Variants in DCDC2 observed in about 807,000 individuals in gnomAD.
DCDC2 encodes doublecortin domain-containing protein 2.
A neutral mutation model predicts 50.2 loss-of-function variants in DCDC2; 40 were observed. The observed-to-expected ratio is 0.80, with a 90% CI of 0.62 to 1.04. The LOEUF is 1.04. DCDC2 is among the 50% of genes least tolerant of loss of function. DCDC2 has a pLI of 0.00. For synonymous variants in DCDC2, 234 were observed against 210.6 expected (o/e 1.11, Z -0.96); for missense variants, 570 against 581.9 (o/e 0.98, Z 0.21).
chr6:24,285,950 A>T (rs1403910473), intron 6 of DCDC2, among the ~76,000 whole-genome samples: 4 of 152,210 alleles, frequency 2.6e-5, no homozygotes, highest in Admixed American at 2.6e-4. Context: ...TATACAGTAC[A>T]CAGAAGGGAT....
chr6:24,302,504 C>T (rs75928212), intron 2 of DCDC2, among the ~76,000 whole-genome samples: 4 of 152,092 alleles, frequency 2.6e-5, no homozygotes, highest in Non-Finnish European at 5.9e-5. Context: ...AGTGCCTGAC[C>T]CCACCCTTTT....
intron 2 of DCDC2, among the ~76,000 whole-genome samples, chr6:24,321,251 C>T (rs1282743221): frequency 3.3e-5 from 5 of 151,732 alleles, no homozygotes; most frequent in African/African-American, 1.2e-4. Flanking sequence ...TAAGTTACTA[C>T]AGAAAAGAAC....
At chr6:24,197,906 T>A (rs1761482530) in intron 8 of DCDC2, among the ~76,000 whole-genome samples, 1 of 152,198 alleles carries the variant, frequency 6.6e-6, no homozygotes, top group Non-Finnish European at 1.5e-5. Flanking sequence ...CTTAGAATTG[T>A]AAGGAAGCTT....
At chr6:24,277,018 T>C (rs1461709152) in intron 7 of DCDC2, among the ~76,000 whole-genome samples, 2 of 152,218 alleles carry the variant, frequency 1.3e-5, no homozygotes, top group Admixed American at 1.3e-4. Context: ...TCGCCTGTTC[T>C]TTTAACCTAG....
chr6:24,223,369 GCTA>G, intron 7 of DCDC2, among the ~76,000 whole-genome samples: 1 of 152,296 alleles, frequency 6.6e-6, no homozygotes, highest in East Asian at 1.9e-4. Context: ...AGTGAGTGAG[GCTA>G]ACTCTACGCA....
chr6:24,265,279 A>T (rs371454092), intron 7 of DCDC2, among the ~76,000 whole-genome samples: 1 of 152,180 alleles, frequency 6.6e-6, no homozygotes, highest in African/African-American at 2.4e-5. Context: ...TAAAAAGCAA[A>T]TATTATTAAA....
chr6:24,225,563 C>T (rs1322328397), intron 7 of DCDC2, among the ~76,000 whole-genome samples: 3 of 152,160 alleles, frequency 2.0e-5, no homozygotes, highest in African/African-American at 7.2e-5. Flanking sequence ...TAACCATCTC[C>T]CCTTCCTAAG....
At chr6:24,301,213 T>C (rs947579184) in intron 4 of DCDC2, among the ~76,000 whole-genome samples, 6 of 151,302 alleles carry the variant, frequency 4.0e-5, no homozygotes, top group Admixed American at 6.6e-5. Flanking sequence ...CTACTAAAAA[T>C]ACAAAAAATT....
chr6:24,302,091 G>T, intron 2 of DCDC2, 47 bp from the exon 3 acceptor site: 1 of 1,517,866 alleles, frequency 6.6e-7, no homozygotes, highest in South Asian at 1.2e-5. Context: ...GCTTATATTA[G>T]CTTTTTTTTT....
At chr6:24,336,663 C>G (rs1760061520) in intron 2 of DCDC2, among the ~76,000 whole-genome samples, 1 of 152,014 alleles carries the variant, frequency 6.6e-6, no homozygotes, top group East Asian at 1.9e-4. Flanking sequence ...TTTGCATTTT[C>G]TCCTTTTAGT....
intron 8 of DCDC2, among the ~76,000 whole-genome samples, chr6:24,188,439 T>A (rs1819692): frequency 0.015 from 2,310 of 152,172 alleles, 51 homozygotes; most frequent in African/African-American, 0.051. Context: ...ATAAAGACAG[T>A]TCTACAAGAT....
intron 8 of DCDC2, among the ~76,000 whole-genome samples, chr6:24,202,799 A>G (rs1320435805): frequency 6.6e-6 from 1 of 152,198 alleles, no homozygotes; most frequent in Non-Finnish European, 1.5e-5. Flanking sequence ...TCAGGATACA[A>G]AATCAGTGTG....
chr6:24,208,758 C>T (rs1391828895), intron 7 of DCDC2, among the ~76,000 whole-genome samples: 1 of 152,212 alleles, frequency 6.6e-6, no homozygotes, highest in Non-Finnish European at 1.5e-5. Context: ...CTGCCCCCTT[C>T]CCTGCTAGAC....
intron 2 of DCDC2, among the ~76,000 whole-genome samples, chr6:24,338,054 AAC>A (rs1314185121): frequency 1.3e-5 from 2 of 152,200 alleles, no homozygotes; most frequent in African/African-American, 4.8e-5. Context: ...ACAATACATG[AAC>A]ACACAGTCCC....
intron 2 of DCDC2, among the ~76,000 whole-genome samples, chr6:24,342,684 G>A (rs1247409258): frequency 2.1e-5 from 3 of 144,598 alleles, no homozygotes; most frequent in African/African-American, 8.3e-5. Context: ...GTTTTTAGTA[G>A]TCTCCAATTA....
chr6:24,299,462 T>C (rs1219424278), intron 4 of DCDC2, among the ~76,000 whole-genome samples: 1 of 152,180 alleles, frequency 6.6e-6, no homozygotes, highest in Admixed American at 6.5e-5. Flanking sequence ...TGCAAATGTA[T>C]TCCCTGAACC....
chr6:24,280,287 T>C (rs2113821242), intron 6 of DCDC2, among the ~76,000 whole-genome samples: 1 of 152,294 alleles, frequency 6.6e-6, no homozygotes, highest in African/African-American at 2.4e-5. Context: ...TATAACACTT[T>C]TTGTGTAATT....
At chr6:24,256,557 G>C (rs1762901622) in intron 7 of DCDC2, among the ~76,000 whole-genome samples, 1 of 151,838 alleles carries the variant, frequency 6.6e-6, no homozygotes, top group Non-Finnish European at 1.5e-5. Flanking sequence ...CCAAATGCTG[G>C]GTATTTCTGC....
intron 7 of DCDC2, among the ~76,000 whole-genome samples, chr6:24,242,002 T>G (rs1337006741): frequency 1.3e-5 from 2 of 151,944 alleles, no homozygotes; most frequent in Non-Finnish European, 2.9e-5. Flanking sequence ...CAAGACCCCA[T>G]CTCTACCAAT....
Sources: gnomAD v4.1 joint callset for allele counts (sites outside exome capture counted in the v4.1 genomes callset) on GRCh38, gnomAD v4.1.1 for gene constraint, MANE v1.5 for transcripts, NCBI Gene and HGNC (gene_info 2026-07-23, HGNC 2026-07-21) for gene names.